ARID4A: variants seen among roughly 807,000 people sequenced by gnomAD.
The protein encoded by ARID4A is AT-rich interactive domain-containing protein 4A.
In ARID4A, 39 loss-of-function variants were observed where a neutral mutation model predicts 148.6. The ratio of observed to expected loss-of-function variants is 0.26; its 90% CI spans 0.20 to 0.34. The LOEUF (loss-of-function observed/expected upper bound fraction) is 0.34. Among genes scored for constraint, ARID4A ranks in the 10% least tolerant of loss-of-function variants. The pLI is 1.00. For missense variants in ARID4A, 1,265 were observed against 1,449.1 expected (o/e 0.87, Z 2.06); for synonymous variants, 475 against 481.2 (o/e 0.99, Z 0.17).
At chr14:58,345,504 A>G (rs960514096) in intron 12 of ARID4A, among the ~76,000 whole-genome samples, 4 of 152,182 alleles carry the variant, frequency 2.6e-5, no homozygotes, top group Admixed American at 1.3e-4. Context: ...GATTTCTAAT[A>G]TAGGTAGAAT....
chr14:58,310,791 T>G (rs2031967706), intron 5 of ARID4A, among the ~76,000 whole-genome samples: 2 of 150,156 alleles, frequency 1.3e-5, no homozygotes, highest in Non-Finnish European at 3.0e-5. Context: ...TACATCAAAC[T>G]AAATAGCTTC....
In ARID4A at chr14:58,372,695, T is replaced by C. The variant is rs1160899933; in HGVS notation, c.*706T>C. On this transcript the variant is annotated 3_prime_UTR_variant, in exon 24 of 24. Coordinates refer to ENST00000355431, the MANE Select transcript of ARID4A (RefSeq NM_002892.4). ...AATAAGTTTTCAGTGGACTATCTTA[T>C]CCCTTGACAAAAATATTTTGTCTTT... 2 of 186,956 alleles carry C rather than the reference T, an allele frequency of 1.1e-5. No individual in the cohort carries two copies. The highest frequency in any genetic ancestry group is 1.1e-5 in the Non-Finnish European group (1 of 88,326). 11.6% of individuals were successfully genotyped at this position (186,956 alleles called of 1,614,324 possible).
chr14:58,342,157 A>C (rs2034145961), intron 11 of ARID4A, among the ~76,000 whole-genome samples: 2 of 152,232 alleles, frequency 1.3e-5, no homozygotes, highest in Non-Finnish European at 2.9e-5. Flanking sequence ...TTCAAAAATA[A>C]TTTTGAGGAG....
Position 58,364,197 on chromosome 14 carries a change from A to G in ARID4A, c.2108A>G (p.Glu703Gly). The G allele has an allele frequency of 6.9e-7, 1 of 1,447,066 alleles. No individual in the cohort carries two copies. The highest frequency in any genetic ancestry group is 1.6e-5 in the South Asian group (1 of 64,456). 89.6% of individuals were successfully genotyped at this position (1,447,066 alleles called of 1,614,324 possible). A position where few individuals can be genotyped will look rare whatever the true frequency, so the allele number is the denominator to read the frequency against. Reference protein sequence around the residue: ...SDSCSSDSETEDALEKNLINE... With the variant: ...SDSCSSDSETGDALEKNLINE... ...TCTTGTTCATCTGATAGTGAAACAG[A>G]AGATGCTTTAGAAAAGAATTTAATA... The change falls in exon 20 of 24, where the codon GAA becomes GGA. Residue 703 changes from glutamate (E) to glycine (G), a missense_variant. Around this residue, in one of 9 missense-constraint regions of ARID4A, gnomAD observed 666 missense variants for 730.9 expected, o/e 0.91. Coordinates refer to ENST00000355431, the MANE Select transcript of ARID4A (RefSeq NM_002892.4).
Position 58,366,197 on chromosome 14 carries a change from T to C in ARID4A, c.3490T>C (p.Ser1164Pro). The C allele has an allele frequency of 6.2e-7, 1 of 1,613,766 alleles. No homozygotes were observed. Among genetic ancestry groups the C allele is most frequent in the Non-Finnish European group, 8.5e-7 (1 of 1,179,742 alleles). ...DKHREKHPNSSPRTYKWSFQL... is the reference protein window; with the variant it reads ...DKHREKHPNSPPRTYKWSFQL... ...ACACAGAGAAAAACATCCGAATTCA[T>C]CCCCTAGGACATATAAATGGAGCTT... is the stretch of plus-strand genomic sequence containing the variant. Residue 1164 changes from serine (S) to proline (P), a missense_variant, in exon 22 of 24, where the codon TCC becomes CCC. By Grantham distance (74) the Ser-to-Pro change is moderately conservative. Coordinates refer to ENST00000355431, the MANE Select transcript of ARID4A (RefSeq NM_002892.4).
intron 5 of ARID4A, among the ~76,000 whole-genome samples, chr14:58,313,282 T>C (rs2032180514): frequency 6.6e-6 from 1 of 152,188 alleles, no homozygotes; most frequent in Non-Finnish European, 1.5e-5. Context: ...AGAGACAATT[T>C]TTCCATGGAT....
At position 58,318,638 on chromosome 14, in the gene ARID4A, G is replaced by C. The variant is rs376977576; in HGVS notation, c.354+17G>C. On this transcript the variant is annotated intron_variant, in intron 6 of 23. Coordinates refer to ENST00000355431, the MANE Select transcript of ARID4A (RefSeq NM_002892.4). ...GAGAGTGAGGTAGGGTGACACGGATGGACGATTTGGATTGAACTACAGGTA... is the reference window on the plus strand; with the variant it reads ...GAGAGTGAGGTAGGGTGACACGGATCGACGATTTGGATTGAACTACAGGTA... 8.6e-5 allele frequency: 138 copies of C among 1,613,806 alleles called. 2 individuals carry two copies. Among genetic ancestry groups the C allele is most frequent in the Non-Finnish European group, 1.1e-4 (124 of 1,179,852 alleles).
intron 5 of ARID4A, among the ~76,000 whole-genome samples, chr14:58,310,337 C>A (rs749541213): frequency 1.2e-4 from 18 of 151,678 alleles, no homozygotes; most frequent in Non-Finnish European, 2.4e-4. Context: ...TCAAGAAGAA[C>A]AAAACTGGAG....
chr14:58,331,754 G>A (rs1164155606), intron 11 of ARID4A, among the ~76,000 whole-genome samples: 1 of 152,064 alleles, frequency 6.6e-6, no homozygotes, highest in Non-Finnish European at 1.5e-5. Context: ...GCAAAATTCA[G>A]GATTTAAAGT....
At chr14:58,307,465 A>G (rs1175501513) in intron 5 of ARID4A, among the ~76,000 whole-genome samples, 1 of 152,192 alleles carries the variant, frequency 6.6e-6, no homozygotes. Flanking sequence ...CAGTGGTGCT[A>G]TTATTCTGAA....
chr14:58,348,313 C>T (rs900459751), intron 15 of ARID4A, among the ~76,000 whole-genome samples: 5 of 152,188 alleles, frequency 3.3e-5, no homozygotes, highest in African/African-American at 1.2e-4. Flanking sequence ...TCACACTCCA[C>T]GAGGTCAGGG....
chr14:58,309,545 A>T (rs1216684708), intron 5 of ARID4A, among the ~76,000 whole-genome samples: 1 of 152,222 alleles, frequency 6.6e-6, no homozygotes, highest in Non-Finnish European at 1.5e-5. Flanking sequence ...TAAAAAAGGA[A>T]TTAATATGTC....
At chr14:58,308,973 T>C (rs1248389260) in intron 5 of ARID4A, among the ~76,000 whole-genome samples, 6 of 152,214 alleles carry the variant, frequency 3.9e-5, no homozygotes, top group African/African-American at 7.2e-5. Flanking sequence ...GAGTCAGTGA[T>C]ATTAACTTCT....
At chr14:58,333,050 A>C (rs749770402) in intron 11 of ARID4A, among the ~76,000 whole-genome samples, 1 of 152,098 alleles carries the variant, frequency 6.6e-6, no homozygotes, top group Non-Finnish European at 1.5e-5. Flanking sequence ...CACCTTTTCC[A>C]CTTAATATTA....
intron 15 of ARID4A, among the ~76,000 whole-genome samples, chr14:58,349,554 A>G (rs1287510089): frequency 1.3e-5 from 2 of 152,016 alleles, no homozygotes; most frequent in Admixed American, 1.3e-4. Context: ...TTATCCACAT[A>G]TATAAGCCAG....
intron 8 of ARID4A, among the ~76,000 whole-genome samples, chr14:58,327,637 C>A (rs954389920): frequency 2.0e-5 from 3 of 151,770 alleles, no homozygotes; most frequent in Non-Finnish European, 2.9e-5. Context: ...TAGAATAAAT[C>A]CTCATATTTT....
rs538269939 is a variant in ARID4A at position 58,342,739 on chromosome 14, C to T, written c.907-1956C>T. Reference sequence around the variant, plus strand: ...ACCAGCCTAGCCAATGTGGCGAAACCCAGTCTCTACTAAAAATACAAAAAT... The same window carrying T: ...ACCAGCCTAGCCAATGTGGCGAAACTCAGTCTCTACTAAAAATACAAAAAT... On this transcript the variant is annotated intron_variant, in intron 11 of 23. Transcript: ENST00000355431. Among the ~76,000 whole-genome samples, 9 of 152,194 alleles carry T rather than the reference C, an allele frequency of 5.9e-5. No individual in the cohort carries two copies. In the South Asian group the frequency reaches 1.7e-3, roughly 28 times the overall value.
chr14:58,333,233 A>G (rs1424504709), intron 11 of ARID4A, among the ~76,000 whole-genome samples: 3 of 152,116 alleles, frequency 2.0e-5, no homozygotes, highest in Non-Finnish European at 2.9e-5. Context: ...GGATATTTTT[A>G]TGGGTATTAC....
At position 58,318,825 on chromosome 14, in the gene ARID4A, G is replaced by T. The variant is rs1280498803; in HGVS notation, c.449+20G>T. 6.4e-7 allele frequency: 1 copy of T among 1,572,418 alleles called. No individual in the cohort carries two copies. The highest frequency in any genetic ancestry group is 8.7e-7 in the Non-Finnish European group (1 of 1,144,192). On this transcript the variant is annotated intron_variant, in intron 7 of 23. Transcript: ENST00000355431. The stretch of plus-strand genomic sequence containing the variant: ...TCCTGTGTGAGTTTTTTCATATATG[G>T]TATCATTTTAATTACAATTATTATA...
Sources: allele counts gnomAD v4.1 joint callset (sites outside exome capture counted in the v4.1 genomes callset), GRCh38; gene constraint gnomAD v4.1.1; regional missense constraint gnomAD v4.1.1; transcripts MANE v1.5; gene names NCBI Gene and HGNC (gene_info 2026-07-23, HGNC 2026-07-21).